The following TMEM182 variants were observed in gnomAD, a reference collection of about 807,000 sequenced individuals.
TMEM182 encodes transmembrane protein 182.
In TMEM182, 20 loss-of-function variants were observed where a neutral mutation model predicts 26.8. The ratio of observed to expected loss-of-function variants is 0.75; its 90% CI spans 0.53 to 1.09. TMEM182 has a LOEUF of 1.09. Among genes scored for constraint, TMEM182 ranks in the 50% least tolerant of loss-of-function variants. The pLI, the probability that TMEM182 is intolerant of heterozygous loss-of-function variation, is 0.00. For missense variants in TMEM182, 277 were observed against 275.5 expected (o/e 1.01, Z -0.04); for synonymous variants, 109 against 102.2 (o/e 1.07, Z -0.40).
At chr2:102,832,160 A>T (rs548532039) in intron 3 of TMEM182, among the ~76,000 whole-genome samples, 4 of 152,290 alleles carry the variant, frequency 2.6e-5, no homozygotes, top group African/African-American at 9.6e-5. Flanking sequence ...TTATTCCACT[A>T]TGCCATTTTG....
intron 3 of TMEM182, among the ~76,000 whole-genome samples, chr2:102,770,499 C>T (rs1680629237): frequency 6.6e-6 from 1 of 152,234 alleles, no homozygotes; most frequent in South Asian, 2.1e-4. Context: ...CTGCAATGCA[C>T]TTCCTCCCTC....
At chr2:102,746,118 A>G (rs550068009) in intron 1 of TMEM182, among the ~76,000 whole-genome samples, 1 of 152,286 alleles carries the variant, frequency 6.6e-6, no homozygotes, top group African/African-American at 2.4e-5. Context: ...CTGTAATTGG[A>G]TTATAGCACA....
chr2:102,805,865 C>T (rs1682324219), intron 4 of TMEM182, among the ~76,000 whole-genome samples: 1 of 151,982 alleles, frequency 6.6e-6, no homozygotes, highest in Admixed American at 6.6e-5. Flanking sequence ...GCTGTGACCG[C>T]ACCACTGTAC....
chr2:102,829,902 C>A (rs753398052), intron 3 of TMEM182, among the ~76,000 whole-genome samples: 1 of 152,180 alleles, frequency 6.6e-6, no homozygotes, highest in South Asian at 2.1e-4. Context: ...ACCCAAAGAT[C>A]CAAACCAAAA....
intron 4 of TMEM182, among the ~76,000 whole-genome samples, chr2:102,800,032 C>A (rs1444895510): frequency 6.6e-6 from 1 of 151,974 alleles, no homozygotes; most frequent in African/African-American, 2.4e-5. Context: ...AAAAAAAAAT[C>A]TCACTCTGAG....
intron 3 of TMEM182, among the ~76,000 whole-genome samples, chr2:102,835,051 G>A (rs2104778493): frequency 6.6e-6 from 1 of 152,220 alleles, no homozygotes; most frequent in African/African-American, 2.4e-5. Context: ...TGGGGGGCGG[G>A]GATGGGAAAG....
upstream of TMEM182, chr2:102,757,494 C>T (rs1680078465): frequency 6.6e-6 from 1 of 152,138 alleles, no homozygotes; most frequent in Non-Finnish European, 1.5e-5. Flanking sequence ...CACAGAGACA[C>T]TGGTTGTTTC....
chr2:102,791,071 G>A (rs1662401981), intron 3 of TMEM182, among the ~76,000 whole-genome samples: 1 of 152,090 alleles, frequency 6.6e-6, no homozygotes, highest in Non-Finnish European at 1.5e-5. Flanking sequence ...GAGTAGCTGG[G>A]ATTAGAGGCG....
intron 3 of TMEM182, among the ~76,000 whole-genome samples, chr2:102,794,208 C>T (rs371387254): frequency 6.6e-6 from 1 of 152,202 alleles, no homozygotes; most frequent in Non-Finnish European, 1.5e-5. Flanking sequence ...AAAGAGACTT[C>T]TAGGAGTTTC....
intron 3 of TMEM182, among the ~76,000 whole-genome samples, chr2:102,780,954 A>G (rs1681143854): frequency 6.6e-6 from 1 of 152,132 alleles, no homozygotes; most frequent in Non-Finnish European, 1.5e-5. Context: ...TGGCTTTTCC[A>G]TCACTAAGTC....
intron 1 of TMEM182, among the ~76,000 whole-genome samples, chr2:102,754,704 C>T (rs1679981760): frequency 6.6e-6 from 1 of 152,130 alleles, no homozygotes; most frequent in Admixed American, 6.5e-5. Flanking sequence ...ATGTTTAAAT[C>T]ATTTCATCAG....
intron 3 of TMEM182, among the ~76,000 whole-genome samples, chr2:102,837,281 T>C (rs948803354): frequency 6.6e-5 from 10 of 152,114 alleles, no homozygotes; most frequent in Admixed American, 5.9e-4. Flanking sequence ...CCCTAAAAAG[T>C]CAAGAATTAT....
At chr2:102,786,892 TG>T (rs1681418437) in intron 3 of TMEM182, among the ~76,000 whole-genome samples, 1 of 152,138 alleles carries the variant, frequency 6.6e-6, no homozygotes, top group Non-Finnish European at 1.5e-5. Context: ...GCACAGGGAA[TG>T]GAAGTACAGT....
chr2:102,776,627 G>T (rs1330739738), intron 3 of TMEM182, among the ~76,000 whole-genome samples: 1 of 152,158 alleles, frequency 6.6e-6, no homozygotes, highest in African/African-American at 2.4e-5. Context: ...AAACATTTGT[G>T]TGCAGGTTTT....
intron 3 of TMEM182, among the ~76,000 whole-genome samples, chr2:102,789,816 CA>C (rs34707136): frequency 0.3 from 45,707 of 151,954 alleles, 7,085 homozygotes; most frequent in South Asian, 0.42. Context: ...ACCACTTTTC[CA>C]GGTTCCCCAT....
intron 4 of TMEM182, among the ~76,000 whole-genome samples, chr2:102,800,708 A>G (rs996731423): frequency 6.6e-6 from 1 of 151,336 alleles, no homozygotes; most frequent in Admixed American, 6.6e-5. Context: ...TGTAATCACC[A>G]TAGTTTAGTG....
intron 4 of TMEM182, among the ~76,000 whole-genome samples, chr2:102,814,231 G>A (rs942239873): frequency 3.9e-5 from 6 of 151,996 alleles, no homozygotes; most frequent in African/African-American, 1.5e-4. Context: ...AGTTAGCTGG[G>A]TTATAATAGT....
intron 3 of TMEM182, among the ~76,000 whole-genome samples, chr2:102,827,448 A>T (rs1482659203): frequency 3.3e-5 from 5 of 152,232 alleles, no homozygotes; most frequent in Non-Finnish European, 5.9e-5. Context: ...TCAAGGGTAG[A>T]TGCAGCATTT....
At chr2:102,820,068 C>T (rs1682887587), downstream of TMEM182, among the ~76,000 whole-genome samples, 1 of 152,168 alleles carries the variant, frequency 6.6e-6, no homozygotes, top group East Asian at 1.9e-4. Context: ...TCTAAAGCCA[C>T]ATGTCTTAGT....
Sources: gnomAD v4.1 joint callset for allele counts (sites outside exome capture counted in the v4.1 genomes callset) on GRCh38, gnomAD v4.1.1 for gene constraint, MANE v1.5 for transcripts, NCBI Gene and HGNC (gene_info 2026-07-23, HGNC 2026-07-21) for gene names.